Variants in PHF21B observed in about 807,000 individuals in gnomAD.
PHF21B encodes PHD finger protein 4.
A neutral mutation model predicts 62.2 loss-of-function variants in PHF21B; 22 were observed. The ratio of observed to expected loss-of-function variants is 0.35; its 90% CI spans 0.25 to 0.51. PHF21B has a LOEUF of 0.51. PHF21B is among the 20% of genes least tolerant of loss of function. The probability of loss-of-function intolerance (pLI) is 0.97; values close to 1 mark genes in which losing one functional copy is unlikely to be tolerated. For synonymous variants in PHF21B, 341 were observed against 314.7 expected (o/e 1.08, Z -0.88); for missense variants, 701 against 707.9 (o/e 0.99, Z 0.11).
chr22:44,926,046 G>A (rs115852480), intron 2 of PHF21B, among the ~76,000 whole-genome samples: 76 of 66,912 alleles, frequency 1.1e-3, no homozygotes, highest in African/African-American at 1.7e-3. Flanking sequence ...GAAGGCCCAC[G>A]TGGCCCGGCC....
intron 6 of PHF21B, among the ~76,000 whole-genome samples, chr22:44,895,303 A>G (rs956137112): frequency 6.6e-6 from 1 of 152,096 alleles, no homozygotes; most frequent in African/African-American, 2.4e-5. Context: ...AGATTCTAGG[A>G]TGACGTTCAC....
chr22:44,933,575 G>T, intron 2 of PHF21B: 6 of 980,410 alleles, frequency 6.1e-6, no homozygotes, highest in Non-Finnish European at 7.3e-6. Context: ...CTCAACGGAA[G>T]TGCACGGGAA....
intron 2 of PHF21B, among the ~76,000 whole-genome samples, chr22:44,938,119 G>C (rs1486999293): frequency 6.6e-6 from 1 of 152,266 alleles, no homozygotes; most frequent in African/African-American, 2.4e-5. Flanking sequence ...GTGTCACCCA[G>C]GATGGAGTGT....
At chr22:44,926,161 G>A (rs553239229) in intron 2 of PHF21B, among the ~76,000 whole-genome samples, 2 of 91,020 alleles carry the variant, frequency 2.2e-5, no homozygotes, top group African/African-American at 6.6e-5. Flanking sequence ...GAAGGTCCAT[G>A]AGGCATGACC....
In PHF21B at chr22:44,888,002, C is replaced by G; in HGVS notation, c.1158G>C (p.Ala386=). The G allele has an allele frequency of 6.4e-7, 1 of 1,570,722 alleles. No individual in the cohort carries two copies. Among genetic ancestry groups the G allele is most frequent in the Non-Finnish European group, 8.6e-7 (1 of 1,159,132 alleles). Residue 386 remains alanine, a synonymous_variant, in exon 10 of 13, where the codon GCG becomes GCC. Coordinates refer to ENST00000313237, the MANE Select transcript of PHF21B (RefSeq NM_138415.5). ...TGGGGCACACCCACACGCCCTTGGG[C>G]GCCGTCTTGAGGGGCGGCTCCAGGC... ...LSCLEPPLKT[A]PKGVWVCPRC...
Position 45,009,045 on chromosome 22 carries a change from C to T in PHF21B, c.55-435G>A. The T allele has an allele frequency of 2.6e-6, 3 of 1,133,074 alleles. No homozygotes were observed. Among genetic ancestry groups the T allele is most frequent in the African/African-American group, 1.6e-5 (1 of 61,140 alleles). 70.2% of individuals were successfully genotyped at this position (1,133,074 alleles called of 1,614,324 possible). ...ACACACACACGCGCACGCCGAGCCC[C>T]GCTCAGGCTCCGGCCGCCACGCCGC... On this transcript the variant is annotated intron_variant, in intron 1 of 12. Transcript: ENST00000313237. The surrounding 1 kb of genome is among the most constrained non-coding windows in gnomAD (Gnocchi z 5.9).
At chr22:44,989,442 T>C (rs1601684977) in intron 2 of PHF21B, 1 of 152,106 alleles carries the variant, frequency 6.6e-6, no homozygotes, top group Non-Finnish European at 1.5e-5. Context: ...TAAGTGGCAA[T>C]GCCCAATACC....
chr22:44,962,960 C>T (rs2147423591), intron 2 of PHF21B, among the ~76,000 whole-genome samples: 1 of 152,358 alleles, frequency 6.6e-6, no homozygotes, highest in Middle Eastern at 3.4e-3. Context: ...ATGACTCGTT[C>T]TACCTTTGCA....
chr22:45,009,524 G>T lies in PHF21B; in HGVS notation c.26C>A (p.Ala9Glu), dbSNP rs201707376. The T allele has an allele frequency of 6.4e-7, 1 of 1,568,484 alleles. No homozygotes were observed. The highest frequency in any genetic ancestry group is 8.6e-7 in the Non-Finnish European group (1 of 1,166,658). ...GTGGCGCGCGAGTTCCACGGCGAGC[G>T]CCTCGGGCCGGCTCTGCAGCTCCAT... MELQSRPE[A>E]LAVELARHQN... Residue 9 changes from alanine (A) to glutamate (E), a missense_variant, in exon 1 of 13, where the codon GCG (alanine) becomes GAG (glutamate). By Grantham distance (107) the Ala-to-Glu change is moderately radical. Coordinates refer to ENST00000313237, the MANE Select transcript of PHF21B (RefSeq NM_138415.5). The surrounding 1 kb of genome is among the most constrained non-coding windows in gnomAD (Gnocchi z 5.9).
At chr22:44,983,843 G>A (rs185462677) in intron 2 of PHF21B, among the ~76,000 whole-genome samples, 52 of 152,176 alleles carry the variant, frequency 3.4e-4, no homozygotes, top group African/African-American at 1.1e-3. Flanking sequence ...ATTTGCATAA[G>A]CCTTTATAGC....
chr22:44,899,498 C>A (rs529011452), intron 5 of PHF21B, among the ~76,000 whole-genome samples: 2 of 151,928 alleles, frequency 1.3e-5, no homozygotes, highest in Admixed American at 6.6e-5. Flanking sequence ...ACCATGTTGG[C>A]CAGGCTGGTC....
intron 2 of PHF21B, among the ~76,000 whole-genome samples, chr22:44,925,017 C>T (rs1427910645): frequency 6.6e-6 from 1 of 152,124 alleles, no homozygotes; most frequent in Non-Finnish European, 1.5e-5. Context: ...GGATGAATCA[C>T]AAAATAACAC....
chr22:45,000,238 C>T (rs2073190468), intron 2 of PHF21B, among the ~76,000 whole-genome samples: 1 of 152,140 alleles, frequency 6.6e-6, no homozygotes, highest in Non-Finnish European at 1.5e-5. Context: ...AATCGGGGGG[C>T]AGGGCCTCCA....
At position 45,009,778 on chromosome 22, in the gene PHF21B, C is replaced by T; in HGVS notation, c.-229G>A. 3.5e-6 allele frequency: 1 copy of T among 286,114 alleles called. No homozygotes were observed. Among genetic ancestry groups the T allele is most frequent in the Non-Finnish European group, 6.5e-6 (1 of 154,556 alleles). The allele number at this position is 286,114 out of a possible 1,614,324, so 17.7% of individuals were successfully genotyped here. A position where few individuals can be genotyped will look rare whatever the true frequency, so the allele number is the denominator to read the frequency against. On this transcript the variant is annotated 5_prime_UTR_variant, in exon 1 of 13. Coordinates refer to ENST00000313237, the MANE Select transcript of PHF21B (RefSeq NM_138415.5). This position sits in a 1 kb window ranked among gnomAD's most constrained non-coding sequence, Gnocchi z 5.9. Reference sequence around the variant, plus strand: ...TCGGCTGCCCCAACTCCTCAGGCTGCCCGGCAAGTTGCGCCGGGTCCCCGG... The same window carrying T: ...TCGGCTGCCCCAACTCCTCAGGCTGTCCGGCAAGTTGCGCCGGGTCCCCGG...
At chr22:44,966,319 A>G (rs2072524379) in intron 2 of PHF21B, among the ~76,000 whole-genome samples, 1 of 152,224 alleles carries the variant, frequency 6.6e-6, no homozygotes, top group Non-Finnish European at 1.5e-5. Context: ...TTTTGAGAGA[A>G]GTCTGAACCT....
At chr22:44,938,111 G>A (rs946752312) in intron 2 of PHF21B, among the ~76,000 whole-genome samples, 6 of 152,224 alleles carry the variant, frequency 3.9e-5, no homozygotes, top group East Asian at 3.8e-4. Context: ...GTCTCGCTGT[G>A]TCACCCAGGA....
intron 2 of PHF21B, among the ~76,000 whole-genome samples, chr22:44,949,761 G>A (rs1381971173): frequency 2.6e-5 from 4 of 152,158 alleles, no homozygotes; most frequent in Non-Finnish European, 5.9e-5. Context: ...ACAGAGCCGC[G>A]AGAACAGACC....
intron 12 of PHF21B, among the ~76,000 whole-genome samples, chr22:44,884,579 T>C (rs2070817181): frequency 7.5e-6 from 1 of 133,006 alleles, no homozygotes; most frequent in African/African-American, 2.9e-5. Context: ...TCACCATCAC[T>C]GTGATCAGCA....
intron 2 of PHF21B, among the ~76,000 whole-genome samples, chr22:44,928,791 T>C (rs2071683698): frequency 6.6e-6 from 1 of 152,212 alleles, no homozygotes; most frequent in African/African-American, 2.4e-5. Flanking sequence ...CAGTGGGCCG[T>C]GTTTCCCATG....
Sources: gnomAD v4.1 joint callset for allele counts (sites outside exome capture counted in the v4.1 genomes callset) on GRCh38, gnomAD v4.1.1 for gene constraint, Gnocchi (gnomAD v3.1) non-coding constraint, MANE v1.5 for transcripts, NCBI Gene and HGNC (gene_info 2026-07-23, HGNC 2026-07-21) for gene names.